Variants in CFAP61 observed in about 807,000 individuals in gnomAD.
The protein encoded by CFAP61 is cilia and flagella associated protein 61.
A neutral mutation model predicts 135.6 loss-of-function variants in CFAP61; 107 were observed. That is an observed-to-expected ratio of 0.79 (90% CI 0.67 to 0.93). The LOEUF is 0.93. Among genes scored for constraint, CFAP61 ranks in the 40% least tolerant of loss-of-function variants. The pLI is 0.00. For synonymous variants in CFAP61, 575 were observed against 578.5 expected (o/e 0.99, Z 0.09); for missense variants, 1,507 against 1,556.2 (o/e 0.97, Z 0.53).
Position 20,098,831 on chromosome 20 carries a change from A to G in CFAP61, c.859+17A>G. ...GAAGTCAAGGTACAGTGGCTATCAC[A>G]GGGACACACTGGGAAATTAAATCTA... On this transcript the variant is annotated intron_variant, in intron 8 of 26. Coordinates refer to ENST00000245957, the MANE Select transcript of CFAP61 (RefSeq NM_015585.4). The G allele has an allele frequency of 6.2e-7, 1 of 1,602,564 alleles. No individual in the cohort carries two copies. Among genetic ancestry groups the G allele is most frequent in the Non-Finnish European group, 8.5e-7 (1 of 1,174,842 alleles).
intron 13 of CFAP61, among the ~76,000 whole-genome samples, chr20:20,181,214 CAT>C (rs71939376): frequency 0.24 from 35,426 of 144,768 alleles, 4,370 homozygotes; most frequent in Middle Eastern, 0.36. Flanking sequence ...TGTATATATA[CAT>C]ATGTGTATAT....
chr20:20,268,210 A>G (rs1004228349), intron 21 of CFAP61, among the ~76,000 whole-genome samples: 1 of 152,222 alleles, frequency 6.6e-6, no homozygotes, highest in African/African-American at 2.4e-5. Context: ...GGAGCCAAGG[A>G]CAGTGAAAAA....
At chr20:20,184,969 G>A (rs2055394952) in intron 13 of CFAP61, among the ~76,000 whole-genome samples, 1 of 152,194 alleles carries the variant, frequency 6.6e-6, no homozygotes, top group Non-Finnish European at 1.5e-5. Context: ...GTCAGAGCAA[G>A]CAGCAATCCC....
At chr20:20,143,014 G>C in intron 9 of CFAP61, 66 bp downstream of exon 9, 1 of 941,780 alleles carries the variant, frequency 1.1e-6, no homozygotes, top group Non-Finnish European at 1.6e-6. Flanking sequence ...TGTGACATCA[G>C]GGGCATCTCT....
chr20:20,198,730 T>C (rs1470090223), intron 16 of CFAP61, among the ~76,000 whole-genome samples: 1 of 152,156 alleles, frequency 6.6e-6, no homozygotes, highest in Non-Finnish European at 1.5e-5. Flanking sequence ...GTTCTGTTTT[T>C]CAGTTTGCGA....
At chr20:20,071,878 C>T (rs529831142) in intron 3 of CFAP61, among the ~76,000 whole-genome samples, 5 of 152,232 alleles carry the variant, frequency 3.3e-5, no homozygotes, top group South Asian at 2.1e-4. Flanking sequence ...GAAAAATTAT[C>T]GCAAACTTGG....
intron 6 of CFAP61, among the ~76,000 whole-genome samples, chr20:20,089,931 G>C (rs1166555207): frequency 6.6e-6 from 1 of 152,208 alleles, no homozygotes; most frequent in Non-Finnish European, 1.5e-5. Flanking sequence ...GCCAGTGTTT[G>C]AAAAATGCAT....
intron 21 of CFAP61, among the ~76,000 whole-genome samples, chr20:20,274,830 G>A (rs556639963): frequency 4.6e-5 from 7 of 152,164 alleles, no homozygotes; most frequent in African/African-American, 1.7e-4. Flanking sequence ...TATTATCACG[G>A]CATTCTACTA....
intron 6 of CFAP61, among the ~76,000 whole-genome samples, chr20:20,087,646 T>G (rs1366969034): frequency 6.6e-6 from 1 of 152,206 alleles, no homozygotes; most frequent in Non-Finnish European, 1.5e-5. Context: ...CCACTGACTG[T>G]AGAAATTCTT....
At chr20:20,273,919 C>G (rs1021515140) in intron 21 of CFAP61, among the ~76,000 whole-genome samples, 5 of 152,172 alleles carry the variant, frequency 3.3e-5, no homozygotes, top group African/African-American at 1.2e-4. Context: ...AGCACTGGTT[C>G]CAGCTCATCC....
intron 18 of CFAP61, among the ~76,000 whole-genome samples, chr20:20,229,917 C>T (rs1235867506): frequency 2.0e-5 from 3 of 152,152 alleles, no homozygotes; most frequent in Non-Finnish European, 2.9e-5. Flanking sequence ...AGTCTGAGTG[C>T]TTTACTTGTT....
At chr20:20,136,161 C>G (rs1273545839) in intron 8 of CFAP61, among the ~76,000 whole-genome samples, 1 of 151,774 alleles carries the variant, frequency 6.6e-6, no homozygotes, top group African/African-American at 2.4e-5. Context: ...CTTTTAGGGT[C>G]CCTTTTTTTA....
intron 17 of CFAP61, among the ~76,000 whole-genome samples, chr20:20,207,368 C>T (rs889278820): frequency 3.3e-5 from 5 of 152,198 alleles, no homozygotes; most frequent in African/African-American, 1.2e-4. Flanking sequence ...GGGTTCTTGC[C>T]ACAACCCAGT....
intron 13 of CFAP61, among the ~76,000 whole-genome samples, chr20:20,175,510 TTTTGTTTTGTTTTGTTTTGTTTTG>T: frequency 2.0e-4 from 1 of 4,952 alleles, no homozygotes. Flanking sequence ...TTTTGTTTTG[TTTTGTTTTGTTTTGTTTTGTTTTG>T]TTTTGTTTTG....
At chr20:20,093,280 G>A (rs1052133849) in intron 7 of CFAP61, among the ~76,000 whole-genome samples, 1 of 152,130 alleles carries the variant, frequency 6.6e-6, no homozygotes, top group African/African-American at 2.4e-5. Flanking sequence ...AGAGACAGAA[G>A]GTAGATTAGT....
At chr20:20,248,648 T>C (rs1300215967) in intron 19 of CFAP61, among the ~76,000 whole-genome samples, 3 of 152,206 alleles carry the variant, frequency 2.0e-5, no homozygotes, top group Non-Finnish European at 4.4e-5. Flanking sequence ...TAGTCCTTTT[T>C]CTAGGAGTGT....
intron 26 of CFAP61, among the ~76,000 whole-genome samples, chr20:20,349,715 A>G (rs1184516539): frequency 6.6e-6 from 1 of 152,252 alleles, no homozygotes; most frequent in African/African-American, 2.4e-5. Flanking sequence ...ACACACTGAA[A>G]ACTACAAAAC....
chr20:20,127,289 G>C (rs1000092155), intron 8 of CFAP61, among the ~76,000 whole-genome samples: 1 of 151,396 alleles, frequency 6.6e-6, no homozygotes, highest in African/African-American at 2.4e-5. Context: ...GGTTGTTAAA[G>C]AGCCTTGTTT....
At chr20:20,141,342 A>T (rs1372426164) in intron 8 of CFAP61, among the ~76,000 whole-genome samples, 1 of 152,246 alleles carries the variant, frequency 6.6e-6, no homozygotes, top group Non-Finnish European at 1.5e-5. Flanking sequence ...CCTAAAAAGC[A>T]TCCTGCTCTT....
Sources: allele counts gnomAD v4.1 joint callset (sites outside exome capture counted in the v4.1 genomes callset), GRCh38; gene constraint gnomAD v4.1.1; transcripts MANE v1.5; gene names NCBI Gene and HGNC (gene_info 2026-07-23, HGNC 2026-07-21).